The following KCNQ3 variants were observed in gnomAD, a reference collection of about 807,000 sequenced individuals.
The protein encoded by KCNQ3 is potassium voltage-gated channel subfamily KQT member 3.
KCNQ3 carries 30 observed loss-of-function variants against 92.5 expected under a neutral mutation model. That is an observed-to-expected ratio of 0.32 (90% CI 0.24 to 0.44). The LOEUF is 0.44. Among genes scored for constraint, KCNQ3 ranks in the 20% least tolerant of loss-of-function variants. The pLI, the probability that KCNQ3 is intolerant of heterozygous loss-of-function variation, is 1.00. For synonymous variants in KCNQ3, 450 were observed against 468.8 expected (o/e 0.96, Z 0.52); for missense variants, 913 against 1,140.3 (o/e 0.80, Z 2.87).
At chr8:132,365,317 G>T (rs765548581) in intron 1 of KCNQ3, among the ~76,000 whole-genome samples, 2 of 152,268 alleles carry the variant, frequency 1.3e-5, no homozygotes, top group African/African-American at 4.8e-5. Context: ...TGTGAGAGGC[G>T]TGTTAGACGC....
chr8:132,378,223 G>C (rs771687604), intron 1 of KCNQ3, among the ~76,000 whole-genome samples: 1 of 152,032 alleles, frequency 6.6e-6, no homozygotes, highest in South Asian at 2.1e-4. Context: ...GTGAAACCTC[G>C]TCCCTACTAA....
intron 1 of KCNQ3, among the ~76,000 whole-genome samples, chr8:132,310,740 T>C (rs573059495): frequency 6.6e-6 from 1 of 152,210 alleles, no homozygotes; most frequent in African/African-American, 2.4e-5. Flanking sequence ...AAAAGTGGTA[T>C]GTGAGCTGAG....
At chr8:132,241,224 A>T (rs1410549431) in intron 1 of KCNQ3, among the ~76,000 whole-genome samples, 1 of 152,132 alleles carries the variant, frequency 6.6e-6, no homozygotes, top group Non-Finnish European at 1.5e-5. Context: ...ACCATTTTAC[A>T]GATGAGAAAA....
chr8:132,480,377 T>C lies in KCNQ3; in HGVS notation c.156A>G (p.Gln52=). 1 of 1,567,952 alleles carries C rather than the reference T, an allele frequency of 6.4e-7. No individual in the cohort carries two copies. The highest frequency in any genetic ancestry group is 1.2e-5 in the South Asian group (1 of 86,846). Residue 52 remains glutamine, a synonymous_variant, in exon 1 of 15, where the codon CAA becomes CAG. Transcript: ENST00000388996. ...CTCCGGCCCCGAGCGCCAAGGTGAC[T>C]TGCTCCACGTCGCCGGGCGCCAGCC... ...KVGLAPGDVE[Q]VTLALGAGAD...
intron 1 of KCNQ3, among the ~76,000 whole-genome samples, chr8:132,355,748 C>T (rs1021286919): frequency 6.6e-6 from 1 of 152,170 alleles, no homozygotes; most frequent in African/African-American, 2.4e-5. Context: ...CTCATATAGT[C>T]CCCTTTGTGC....
chr8:132,227,294 T>C (rs1321823311), intron 1 of KCNQ3, among the ~76,000 whole-genome samples: 3 of 152,082 alleles, frequency 2.0e-5, no homozygotes, highest in African/African-American at 7.2e-5. Flanking sequence ...TCTCCTGATC[T>C]CATGATCTTC....
intron 1 of KCNQ3, among the ~76,000 whole-genome samples, chr8:132,430,724 C>T (rs1198568854): frequency 6.6e-6 from 1 of 152,326 alleles, no homozygotes; most frequent in Middle Eastern, 3.4e-3. Context: ...AAAGTGTTTG[C>T]TCAGCGCAGT....
intron 9 of KCNQ3, among the ~76,000 whole-genome samples, chr8:132,160,301 G>A (rs938533590): frequency 1.7e-4 from 26 of 152,202 alleles, no homozygotes; most frequent in Admixed American, 8.5e-4. Flanking sequence ...CAGCTGATGC[G>A]GAGGAAGGCT....
intron 1 of KCNQ3, among the ~76,000 whole-genome samples, chr8:132,232,939 G>A (rs1056418985): frequency 8.5e-5 from 13 of 152,180 alleles, no homozygotes; most frequent in African/African-American, 3.1e-4. Flanking sequence ...GTGTTTTTAT[G>A]ATGATGAGGC....
At chr8:132,303,612 A>G (rs1233613533) in intron 1 of KCNQ3, among the ~76,000 whole-genome samples, 580 of 11,300 alleles carry the variant, frequency 0.051, 129 homozygotes, top group African/African-American at 0.31. Flanking sequence ...GTGTGTATAT[A>G]TATATATATA....
chr8:132,303,138 G>A (rs2130588614), intron 1 of KCNQ3, among the ~76,000 whole-genome samples: 1 of 152,236 alleles, frequency 6.6e-6, no homozygotes, highest in Middle Eastern at 3.4e-3. Flanking sequence ...AGATCTTGCT[G>A]ATCTATAGAA....
At chr8:132,417,196 A>G (rs1820838311) in intron 1 of KCNQ3, among the ~76,000 whole-genome samples, 1 of 152,220 alleles carries the variant, frequency 6.6e-6, no homozygotes, top group Admixed American at 6.5e-5. Context: ...AGGTTTAGGG[A>G]AATCAACAAG....
intron 1 of KCNQ3, among the ~76,000 whole-genome samples, chr8:132,345,711 G>A (rs12680448): frequency 0.073 from 11,072 of 152,220 alleles, 451 homozygotes; most frequent in South Asian, 0.16. Flanking sequence ...TTGGAGGGTG[G>A]TGGGGAATAC....
intron 1 of KCNQ3, among the ~76,000 whole-genome samples, chr8:132,429,250 G>A (rs1422663124): frequency 6.6e-6 from 1 of 152,160 alleles, no homozygotes. Flanking sequence ...CCTTATCATT[G>A]CAGGCTTAAC....
intron 9 of KCNQ3, among the ~76,000 whole-genome samples, chr8:132,143,194 C>T (rs954357078): frequency 2.6e-5 from 4 of 152,068 alleles, no homozygotes; most frequent in Non-Finnish European, 4.4e-5. Flanking sequence ...TTTAGAAAAA[C>T]GCCAATGCTC....
chr8:132,364,675 G>A (rs1237453007), intron 1 of KCNQ3, among the ~76,000 whole-genome samples: 7 of 120,450 alleles, frequency 5.8e-5, no homozygotes, highest in African/African-American at 2.4e-4. Context: ...ATGGATGGAC[G>A]GACGGACGGA....
intron 1 of KCNQ3, among the ~76,000 whole-genome samples, chr8:132,204,564 C>T (rs1186451206): frequency 2.0e-5 from 3 of 152,198 alleles, no homozygotes; most frequent in Non-Finnish European, 2.9e-5. Context: ...TCTCCTCTCT[C>T]TCCTCCTAAC....
intron 1 of KCNQ3, among the ~76,000 whole-genome samples, chr8:132,354,506 T>G (rs1485107122): frequency 6.6e-6 from 1 of 152,054 alleles, no homozygotes; most frequent in African/African-American, 2.4e-5. Flanking sequence ...AGCCTGACAT[T>G]TTCATCTCCA....
At chr8:132,168,878 CTT>C (rs767479522) in intron 8 of KCNQ3, among the ~76,000 whole-genome samples, 2 of 151,432 alleles carry the variant, frequency 1.3e-5, no homozygotes, top group African/African-American at 2.4e-5. Flanking sequence ...ATGACAGAAA[CTT>C]GCTTTGAGGC....
Sources: gnomAD v4.1 joint callset for allele counts (sites outside exome capture counted in the v4.1 genomes callset) on GRCh38, gnomAD v4.1.1 for gene constraint, MANE v1.5 for transcripts, NCBI Gene and HGNC (gene_info 2026-07-23, HGNC 2026-07-21) for gene names.